The following SLC38A2 variants were observed in gnomAD, a reference collection of about 807,000 sequenced individuals.
The protein encoded by SLC38A2 is solute carrier family 38 member 2, also known as sodium-coupled neutral amino acid symporter 2.
A neutral mutation model predicts 61.5 loss-of-function variants in SLC38A2; 11 were observed. That is an observed-to-expected ratio of 0.18 (90% CI 0.11 to 0.30). The LOEUF (loss-of-function observed/expected upper bound fraction) is 0.30. Ranked by LOEUF, SLC38A2 falls within the 10% of genes least tolerant of loss-of-function variation. The pLI, the probability that SLC38A2 is intolerant of heterozygous loss-of-function variation, is 1.00. For missense variants in SLC38A2, 522 were observed against 600.4 expected, an observed-to-expected ratio of 0.87 and a Z score of 1.36; for synonymous variants, 217 against 212.5, an observed-to-expected ratio of 1.02 and a Z score of -0.18.
rs1460133371 is a variant in SLC38A2, at chr12:46,358,960, T to A, written c.*2151A>T. 15 of 152,550 alleles carry A rather than the reference T, an allele frequency of 9.8e-5. No homozygotes were observed. The highest frequency in any genetic ancestry group is 9.2e-4 in the Admixed American group (14 of 15,266). The allele number at this position is 152,550 out of a possible 1,614,324, so 9.4% of individuals were successfully genotyped here. A position where few individuals can be genotyped will look rare whatever the true frequency, so the allele number is the denominator to read the frequency against. The stretch of plus-strand genomic sequence containing the variant: ...CTCCCAGAAAATCATCCATTGGAAT[T>A]TTCCCTAGGCACTTGATTTTGAACC... On this transcript the variant is annotated 3_prime_UTR_variant, in exon 16 of 16. Transcript: ENST00000256689.
In SLC38A2 at chr12:46,364,456, G is replaced by A; in HGVS notation, c.806C>T (p.Pro269Leu). ...TTLTQPTALVPALSHNVTEND... is the reference protein window; with the variant it reads ...TTLTQPTALVLALSHNVTEND... ...TTCAGTCACGTTATGTGACAAAGCA[G>A]GTACAAGAGCTGTTGGCTGTGTTAA... The change falls in exon 10 of 16, where the codon CCT becomes CTT. Residue 269 changes from proline to leucine, a missense_variant. By Grantham distance (98) the Pro-to-Leu change is moderately conservative. Coordinates refer to ENST00000256689, the MANE Select transcript of SLC38A2 (RefSeq NM_018976.5). 2.5e-6 allele frequency: 4 copies of A among 1,611,066 alleles called. No individual in the cohort carries two copies. The highest frequency in any genetic ancestry group is 1.1e-5 in the South Asian group (1 of 90,290).
chr12:46,367,134 T>C lies in SLC38A2; in HGVS notation c.423A>G (p.Ala141=). ...SLLYEQLGYK[A]FGLVGKLAAS... ...CTGCAAGCTTTCCAACTAATCCAAA[T>C]GCCTTATATCCCAATTGTTCATATA... Residue 141 remains alanine (A), a synonymous_variant, in exon 6 of 16, where the codon GCA becomes GCG. Transcript: ENST00000256689. 6.2e-7 allele frequency: 1 copy of C among 1,614,126 alleles called. No individual in the cohort carries two copies. Among genetic ancestry groups the C allele is most frequent in the East Asian group, 2.2e-5 (1 of 44,886 alleles).
At chr12:46,370,118 A>G (rs952519358) in intron 4 of SLC38A2, among the ~76,000 whole-genome samples, 1 of 152,232 alleles carries the variant, frequency 6.6e-6, no homozygotes, top group African/African-American at 2.4e-5. Flanking sequence ...GTCCTTAAGA[A>G]CTGTGTCGAT....
intron 14 of SLC38A2, 52 bp downstream of exon 14, chr12:46,362,442 A>T (rs964181530): frequency 3.1e-6 from 5 of 1,593,820 alleles, no homozygotes; most frequent in Non-Finnish European, 2.6e-6. Context: ...TCATTCTTTA[A>T]ATCTTAAAAT....
rs759431660 is a variant in SLC38A2 at position 46,360,521 on chromosome 12, G to A, written c.*590C>T. 6.6e-6 allele frequency: 1 copy of A among 151,942 alleles called. No homozygotes were observed. The highest frequency in any genetic ancestry group is 1.9e-4 in the East Asian group (1 of 5,184). The allele number at this position is 151,942 out of a possible 1,614,324, so 9.4% of individuals were successfully genotyped here. On this transcript the variant is annotated 3_prime_UTR_variant, in exon 16 of 16. Coordinates refer to ENST00000256689, the MANE Select transcript of SLC38A2 (RefSeq NM_018976.5). ...ATTTGGCTTATTATGCCTACAAAAA[G>A]GCAAACCATTTCATTATATTAATAT...
intron 7 of SLC38A2, 28 bp downstream of exon 7, chr12:46,366,833 TTTC>T (rs775351049): frequency 1.3e-6 from 2 of 1,567,578 alleles, no homozygotes; most frequent in Non-Finnish European, 1.7e-6. Flanking sequence ...ACTATAATTG[TTTC>T]TTATGAGTAA....
At chr12:46,362,225 A>C in intron 15 of SLC38A2, 59 bp downstream of exon 15, 2 of 1,344,822 alleles carry the variant, frequency 1.5e-6, no homozygotes, top group Non-Finnish European at 2.0e-6. Flanking sequence ...TAAAATTAAA[A>C]TCAGTTGGGG....
chr12:46,363,228 G>A, intron 12 of SLC38A2, 83 bp from the exon 13 acceptor site: 5 of 1,434,026 alleles, frequency 3.5e-6, no homozygotes, highest in Non-Finnish European at 4.8e-6. Flanking sequence ...ATGTGCACCA[G>A]TTATTTAGCT....
In SLC38A2 at chr12:46,361,136, T is replaced by C. The variant is rs149060516; in HGVS notation, c.1496A>G (p.His499Arg). Residue 499 changes from histidine (H) to arginine (R), a missense_variant, in exon 16 of 16, where the codon CAC becomes CGC. Physicochemically the swap from His to Arg is conservative, Grantham distance 29 (BLOSUM62 0). Coordinates refer to ENST00000256689, the MANE Select transcript of SLC38A2 (RefSeq NM_018976.5). ...TTAATGGCCACCTCCAGGTGCATTGTGTACCCAATCCAAAACAATCAAGGC... is the reference window on the plus strand; with the variant it reads ...TTAATGGCCACCTCCAGGTGCATTGCGTACCCAATCCAAAACAATCAAGGC... ...SMALIVLDWV[H>R]NAPGGGH 9.5e-4 allele frequency: 1,526 copies of C among 1,613,372 alleles called. 4 individuals carry two copies. Among genetic ancestry groups the C allele is most frequent in the Non-Finnish European group, 1.1e-3 (1,266 of 1,179,586 alleles).
At chr12:46,371,045 G>A (rs1943191273) in intron 2 of SLC38A2, 133 bp downstream of exon 2, 1 of 884,486 alleles carries the variant, frequency 1.1e-6, no homozygotes, top group African/African-American at 1.7e-5. Context: ...AAGATAATCG[G>A]ATACTCTTTC....
intron 3 of SLC38A2, 65 bp from the exon 4 acceptor site, chr12:46,370,692 G>A (rs1048789376): frequency 9.0e-6 from 14 of 1,548,452 alleles, no homozygotes; most frequent in African/African-American, 4.1e-5. Flanking sequence ...CCAGCTTTGG[G>A]CAAGTTAGAT....
chr12:46,371,005 C>T, intron 2 of SLC38A2, 148 bp from the exon 3 acceptor site: 1 of 831,902 alleles, frequency 1.2e-6, no homozygotes, highest in Non-Finnish European at 2.0e-6. Context: ...TAGGAGTTGA[C>T]TTTCACACCA....
At chr12:46,363,335 A>T (rs1413364683) in intron 12 of SLC38A2, among the ~76,000 whole-genome samples, 190 bp from the exon 13 acceptor site, 2 of 152,096 alleles carry the variant, frequency 1.3e-5, no homozygotes, top group Non-Finnish European at 2.9e-5. Flanking sequence ...TTTTCTAAAT[A>T]CCACAGAGAT....
intron 14 of SLC38A2, 34 bp downstream of exon 14, chr12:46,362,460 G>A (rs1303085622): frequency 2.5e-6 from 4 of 1,594,820 alleles, no homozygotes; most frequent in Non-Finnish European, 3.4e-6. Flanking sequence ...AATCCCTGAT[G>A]TTTGAATCCA....
At chr12:46,367,232 A>AAAT in intron 5 of SLC38A2, 35 bp downstream of exon 5, 1 of 1,578,160 alleles carries the variant, frequency 6.3e-7, no homozygotes, top group Non-Finnish European at 8.7e-7. Context: ...TGATAGGTAT[A>AAAT]CATTGTTTTA....
intron 10 of SLC38A2, 110 bp downstream of exon 10, chr12:46,364,279 A>G (rs959746056): frequency 3.4e-6 from 4 of 1,163,094 alleles, no homozygotes; most frequent in Admixed American, 2.6e-5. Flanking sequence ...AGCTAATCAC[A>G]TGTTTTCTAT....
chr12:46,365,766 T>C (rs913172922), intron 7 of SLC38A2, among the ~76,000 whole-genome samples: 1 of 151,980 alleles, frequency 6.6e-6, no homozygotes, highest in Admixed American at 6.5e-5. Flanking sequence ...TATCAGAGTA[T>C]GTTGTGACAT....
rs141682422 is a variant in SLC38A2, at chr12:46,363,885, T to C, written c.953+39A>G. 1.3e-4 allele frequency: 202 copies of C among 1,595,214 alleles called. 2 individuals carry two copies. In the East Asian group the frequency reaches 4.3e-3, roughly 34 times the overall value. On this transcript the variant is annotated intron_variant, in intron 11 of 15. Transcript: ENST00000256689. ...TTCAGCAGCAGTTACAGCAATTGTC[T>C]AATATTTTCTCAAATTTATGTAAAA...
Position 46,372,773 on chromosome 12 carries a change from T to A in SLC38A2, c.-351A>T. ...CTAAGGCGGCGGCGTCGCGCGGCTG[T>A]GGAGCAGCCCTGCGAGCGGCGGGTT... On this transcript the variant is annotated 5_prime_UTR_variant, in exon 1 of 16. Transcript: ENST00000256689. 1 of 398,146 alleles carries A rather than the reference T, an allele frequency of 2.5e-6. No individual in the cohort carries two copies. The highest frequency in any genetic ancestry group is 3.6e-5 in the East Asian group (1 of 28,036). The allele number at this position is 398,146 out of a possible 1,614,324, so 24.7% of individuals were successfully genotyped here.
Sources: gnomAD v4.1 joint callset for allele counts (sites outside exome capture counted in the v4.1 genomes callset) on GRCh38, gnomAD v4.1.1 for gene constraint, MANE v1.5 for transcripts, NCBI Gene and HGNC (gene_info 2026-07-23, HGNC 2026-07-21) for gene names.